NRG3: variants seen among roughly 807,000 people sequenced by gnomAD.
NRG3 encodes neuregulin 3.
Under a neutral mutation model 66.9 loss-of-function variants are expected in NRG3, and 31 were observed. The observed-to-expected ratio is 0.46, with a 90% CI of 0.35 to 0.63. The LOEUF is 0.63. Among genes scored for constraint, NRG3 ranks in the 20% least tolerant of loss-of-function variants. The pLI, the probability that NRG3 is intolerant of heterozygous loss-of-function variation, is 0.00. For synonymous variants in NRG3, 393 were observed against 359.4 expected (o/e 1.09, Z -1.06); for missense variants, 910 against 878.9 (o/e 1.04, Z -0.45).
chr10:82,193,524 A>G (rs1261568617), intron 1 of NRG3, among the ~76,000 whole-genome samples: 2 of 152,234 alleles, frequency 1.3e-5, no homozygotes, highest in Non-Finnish European at 2.9e-5. Flanking sequence ...AAGAAAGCAG[A>G]TACAGAGAAA....
At chr10:82,252,643 A>T (rs2077538393) in intron 1 of NRG3, among the ~76,000 whole-genome samples, 1 of 152,274 alleles carries the variant, frequency 6.6e-6, no homozygotes, top group Non-Finnish European at 1.5e-5. Flanking sequence ...CTATTTCCAA[A>T]GTATGGTGGT....
At chr10:82,295,156 A>G (rs896379812) in intron 1 of NRG3, among the ~76,000 whole-genome samples, 1 of 152,212 alleles carries the variant, frequency 6.6e-6, no homozygotes, top group African/African-American at 2.4e-5. Flanking sequence ...TTGTTTCACT[A>G]TGATTATGAC....
At chr10:82,483,053 A>G (rs562775372) in intron 2 of NRG3, among the ~76,000 whole-genome samples, 6 of 152,164 alleles carry the variant, frequency 3.9e-5, no homozygotes, top group South Asian at 2.1e-4. Context: ...AAATTCCAAC[A>G]TTCAAAGTTT....
Position 82,501,664 on chromosome 10 carries a change from A to G in NRG3, c.953+142796A>G, listed in dbSNP as rs73307864. Among the ~76,000 whole-genome samples the G allele has an allele frequency of 4.2e-3, 646 of 152,224 alleles. 5 individuals are homozygous for G. Among genetic ancestry groups the G allele is most frequent in the African/African-American group, 0.015 (625 of 41,532 alleles). On this transcript the variant is annotated intron_variant, in intron 2 of 8. Transcript: ENST00000372141. ...CTAAAATATTATTTTCCCAGAAAGT[A>G]CCATGTCTTTCTCTCTTTCCTCTCT...
At chr10:82,718,346 T>C (rs1180222785) in intron 2 of NRG3, among the ~76,000 whole-genome samples, 2 of 152,208 alleles carry the variant, frequency 1.3e-5, no homozygotes, top group Non-Finnish European at 2.9e-5. Context: ...GGTTTCCGTA[T>C]ACCAAGAACA....
At chr10:82,426,245 T>A (rs1045424903) in intron 2 of NRG3, among the ~76,000 whole-genome samples, 1 of 152,130 alleles carries the variant, frequency 6.6e-6, no homozygotes, top group Non-Finnish European at 1.5e-5. Flanking sequence ...GTAAAAGTTA[T>A]GAAAGTGTGT....
chr10:82,717,250 T>C (rs2057026955), intron 2 of NRG3, among the ~76,000 whole-genome samples: 1 of 152,166 alleles, frequency 6.6e-6, no homozygotes, highest in Non-Finnish European at 1.5e-5. Flanking sequence ...ATTATATAAA[T>C]AATTTTTTAT....
At chr10:82,113,384 C>T (rs1485637850) in intron 1 of NRG3, among the ~76,000 whole-genome samples, 4 of 152,166 alleles carry the variant, frequency 2.6e-5, no homozygotes, top group Admixed American at 6.6e-5. Context: ...CGTAGCTTTT[C>T]GCTGATGGAG....
intron 3 of NRG3, among the ~76,000 whole-genome samples, chr10:82,761,171 G>A (rs749904437): frequency 1.1e-4 from 17 of 151,868 alleles, no homozygotes; most frequent in Non-Finnish European, 1.8e-4. Flanking sequence ...TATTTTCAAG[G>A]AAGAAAGTAA....
chr10:81,983,954 A>C (rs2133493894), intron 1 of NRG3, among the ~76,000 whole-genome samples: 1 of 152,224 alleles, frequency 6.6e-6, no homozygotes, highest in Non-Finnish European at 1.5e-5. Flanking sequence ...CTATAATCAC[A>C]GTTGTTTTTA....
chr10:82,019,680 C>T (rs539996187), intron 1 of NRG3, among the ~76,000 whole-genome samples: 150 of 152,086 alleles, frequency 9.9e-4, no homozygotes, highest in Non-Finnish European at 1.9e-3. Flanking sequence ...GTGTATGTGT[C>T]GAGGAATTTA....
intron 3 of NRG3, among the ~76,000 whole-genome samples, chr10:82,845,150 A>G (rs2063247820): frequency 6.6e-6 from 1 of 152,206 alleles, no homozygotes; most frequent in Non-Finnish European, 1.5e-5. Flanking sequence ...GCGAGACTGC[A>G]TCTCAAAAAC....
intron 1 of NRG3, among the ~76,000 whole-genome samples, chr10:81,929,773 A>G (rs560644191): frequency 1.4e-4 from 21 of 152,280 alleles, no homozygotes; most frequent in East Asian, 1.4e-3. Context: ...CTCAAAAATG[A>G]TGGTTGAATT....
chr10:82,516,482 T>C (rs1845671762), intron 2 of NRG3, among the ~76,000 whole-genome samples: 1 of 152,120 alleles, frequency 6.6e-6, no homozygotes, highest in Non-Finnish European at 1.5e-5. Flanking sequence ...ATTTCAAAAA[T>C]GTATCTATCA....
intron 2 of NRG3, among the ~76,000 whole-genome samples, chr10:82,623,333 C>T (rs747511581): frequency 1.8e-4 from 27 of 152,220 alleles, no homozygotes; most frequent in South Asian, 1.7e-3. Context: ...TAAAAGTGTG[C>T]GTTCTGTGTA....
chr10:82,355,831 G>T (rs1199061795), intron 1 of NRG3, among the ~76,000 whole-genome samples: 1 of 152,004 alleles, frequency 6.6e-6, no homozygotes, highest in African/African-American at 2.4e-5. Context: ...ATATTCTAAG[G>T]TTTCAAATGT....
chr10:82,738,845 G>A (rs1037039491), intron 3 of NRG3, among the ~76,000 whole-genome samples, 195 bp downstream of exon 3: 1 of 152,136 alleles, frequency 6.6e-6, no homozygotes, highest in African/African-American at 2.4e-5. Context: ...CTGACGATGA[G>A]GCCTGGCTTC....
In NRG3 at chr10:82,452,972, A is replaced by G. The variant is rs1321167971; in HGVS notation, c.953+94104A>G. On this transcript the variant is annotated intron_variant, in intron 2 of 8. Transcript: ENST00000372141. ...AGATGCAAGGGGTTCTATATAATGT[A>G]GTCCCTGGCTCAGGGGATGCCCCAG... Among the ~76,000 whole-genome samples the G allele has an allele frequency of 3.3e-5, 5 of 152,162 alleles. No homozygotes were observed. The South Asian group carries it at 1.0e-3, about 32-fold the overall frequency.
intron 4 of NRG3, among the ~76,000 whole-genome samples, chr10:82,885,402 CT>C (rs2136086661): frequency 6.6e-6 from 1 of 152,228 alleles, no homozygotes; most frequent in South Asian, 2.1e-4. Flanking sequence ...TGCCCAACAT[CT>C]TAGGAGGCTG....
Sources: allele counts gnomAD v4.1 joint callset (sites outside exome capture counted in the v4.1 genomes callset), GRCh38; gene constraint gnomAD v4.1.1; transcripts MANE v1.5; gene names NCBI Gene and HGNC (gene_info 2026-07-23, HGNC 2026-07-21).